The following RIC1 variants were observed in gnomAD, a reference collection of about 807,000 sequenced individuals.
RIC1 encodes guanine nucleotide exchange factor subunit RIC1.
Under a neutral mutation model 169.0 loss-of-function variants are expected in RIC1, and 88 were observed. The ratio of observed to expected loss-of-function variants is 0.52; its 90% CI spans 0.44 to 0.62. The LOEUF (loss-of-function observed/expected upper bound fraction) is 0.62. RIC1 is among the 20% of genes least tolerant of loss of function. The probability of loss-of-function intolerance (pLI) is 0.00; values close to 1 mark genes in which losing one functional copy is unlikely to be tolerated. For missense variants in RIC1, 1,877 were observed against 1,725.5 expected, an observed-to-expected ratio of 1.09 and a Z score of -1.56; for synonymous variants, 790 against 601.5, an observed-to-expected ratio of 1.31 and a Z score of -4.59.
intron 1 of RIC1, among the ~76,000 whole-genome samples, chr9:5,634,523 G>A (rs1375068418): frequency 6.6e-6 from 1 of 152,066 alleles, no homozygotes; most frequent in Non-Finnish European, 1.5e-5. Flanking sequence ...TAAAACATCT[G>A]TTCAGATCTC....
chr9:5,699,402 C>T (rs933957755), intron 3 of RIC1, among the ~76,000 whole-genome samples: 1 of 152,024 alleles, frequency 6.6e-6, no homozygotes, highest in African/African-American at 2.4e-5. Flanking sequence ...TGGGATGGGC[C>T]GTGGCCACCT....
rs12686794 is a variant in RIC1 at position 5,656,610 on chromosome 9, G to C, written c.172G>C (p.Glu58Gln). The change falls in exon 2 of 26, where the codon GAG (glutamate) becomes CAG (glutamine). Residue 58 changes from glutamate to glutamine, a missense_variant. Glu to Gln is a conservative substitution (Grantham distance 29). Around this residue, in one of 3 missense-constraint regions of RIC1, gnomAD observed 1,104 missense variants for 992.0 expected, o/e 1.11. Coordinates refer to ENST00000414202, the MANE Select transcript of RIC1 (RefSeq NM_020829.4). ...RPSVLIVTYK[E>Q]PAKSSTQFGS... is the part of the protein sequence containing the mutation. The stretch of plus-strand genomic sequence containing the variant: ...TAGTGTGTTAATTGTAACCTACAAG[G>C]AGCCTGCAAAATCATCTACTCAGTT... 7.6e-3 allele frequency: 12,197 copies of C among 1,605,690 alleles called. 195 individuals are homozygous for C. The East Asian group carries it at 0.078, about 10-fold the overall frequency.
intron 7 of RIC1, among the ~76,000 whole-genome samples, chr9:5,736,944 A>T (rs1824748868): frequency 6.6e-6 from 1 of 151,752 alleles, no homozygotes; most frequent in Non-Finnish European, 1.5e-5. Flanking sequence ...GGAATGGATC[A>T]AAGCTGCTGT....
chr9:5,742,607 T>A (rs1825145110), intron 8 of RIC1, among the ~76,000 whole-genome samples: 2 of 152,156 alleles, frequency 1.3e-5, no homozygotes, highest in Non-Finnish European at 2.9e-5. Context: ...AGTTATAAGT[T>A]AATCAAGCTA....
intron 3 of RIC1, among the ~76,000 whole-genome samples, chr9:5,691,021 C>G (rs1821563128): frequency 6.6e-6 from 1 of 151,804 alleles, no homozygotes; most frequent in East Asian, 1.9e-4. Flanking sequence ...AGAATTATTA[C>G]TGCTCGCAGA....
In RIC1 at chr9:5,629,533, G is replaced by T. The variant is rs572354765; in HGVS notation, c.144+80G>T. On this transcript the variant is annotated intron_variant, in intron 1 of 25. Coordinates refer to ENST00000414202, the MANE Select transcript of RIC1 (RefSeq NM_020829.4). Reference sequence around the variant, plus strand: ...GTCCCACCCCCAACTTCCACCCAGAGCCTAGGACTCCTGCCCCTTCGTGCC... The same window carrying T: ...GTCCCACCCCCAACTTCCACCCAGATCCTAGGACTCCTGCCCCTTCGTGCC... 29 of 1,416,240 alleles carry T rather than the reference G, an allele frequency of 2.0e-5. No individual in the cohort carries two copies. In the Admixed American group the frequency reaches 5.2e-4, roughly 25 times the overall value. The allele number at this position is 1,416,240 out of a possible 1,614,324, so 87.7% of individuals were successfully genotyped here.
Position 5,729,069 on chromosome 9 carries a change from C to T in RIC1, c.721-3319C>T, listed in dbSNP as rs74402347. Among the ~76,000 whole-genome samples, 1,432 of 152,208 alleles carry T rather than the reference C, an allele frequency of 9.4e-3. 32 individuals carry two copies. Among genetic ancestry groups the T allele is most frequent in the African/African-American group, 0.033 (1,372 of 41,518 alleles). On this transcript the variant is annotated intron_variant, in intron 6 of 25. Coordinates refer to ENST00000414202, the MANE Select transcript of RIC1 (RefSeq NM_020829.4). Reference sequence around the variant, plus strand: ...CTCCAGTGTTCCTTGGAAAAGAGTCCTGCAGTCCTTTCTAGAGGATATATA... The same window carrying T: ...CTCCAGTGTTCCTTGGAAAAGAGTCTTGCAGTCCTTTCTAGAGGATATATA...
downstream of RIC1, among the ~76,000 whole-genome samples, chr9:5,777,059 T>C (rs1827629385): frequency 6.6e-6 from 1 of 152,140 alleles, no homozygotes; most frequent in South Asian, 2.1e-4. Flanking sequence ...GCCATCCAAG[T>C]TGTATATGAA....
chr9:5,693,494 G>A (rs1458464921), intron 3 of RIC1, among the ~76,000 whole-genome samples: 1 of 152,026 alleles, frequency 6.6e-6, no homozygotes, highest in Non-Finnish European at 1.5e-5. Flanking sequence ...TTATTCTTTG[G>A]TGAATGAATT....
chr9:5,752,832 G>T (rs138406576), intron 12 of RIC1, among the ~76,000 whole-genome samples: 275 of 152,250 alleles, frequency 1.8e-3, no homozygotes, highest in African/African-American at 6.3e-3. Context: ...TATTAGATTA[G>T]GTTGTTTTGG....
chr9:5,746,529 A>G (rs953273193), intron 11 of RIC1, among the ~76,000 whole-genome samples: 2 of 152,104 alleles, frequency 1.3e-5, no homozygotes, highest in Admixed American at 1.3e-4. Context: ...TAAATATGCC[A>G]TTGTGCATCA....
rs1231921630 is a variant in RIC1, at chr9:5,671,274, A to AT, written c.252+14597dup. 1.9e-3 allele frequency among the ~76,000 whole-genome samples: 265 copies of AT among 136,128 alleles called. 2 individuals carry two copies. The highest frequency in any genetic ancestry group is 0.017 in the East Asian group (83 of 4,948). The allele number at this position is 136,128 out of a possible 152,430, so 89.3% of individuals were successfully genotyped here. A position where few individuals can be genotyped will look rare whatever the true frequency, so the allele number is the denominator to read the frequency against. ...TATTTATTTTATTATTATTATTATT[A>AT]TTTTTTTTTTTTTGAGACGGCATCT... On this transcript the variant is annotated intron_variant, in intron 2 of 25. Coordinates refer to ENST00000414202, the MANE Select transcript of RIC1 (RefSeq NM_020829.4).
In RIC1 at chr9:5,753,181, G is replaced by A; in HGVS notation, c.1453-19G>A. 1 of 1,598,368 alleles carries A rather than the reference G, an allele frequency of 6.3e-7. No individual in the cohort carries two copies. The highest frequency in any genetic ancestry group is 8.6e-7 in the Non-Finnish European group (1 of 1,165,772). ...TATATTTCATAAGTTTTACCAATCT[G>A]ATGTGTTATTTTCTATAGATTTCCA... On this transcript the variant is annotated intron_variant, in intron 12 of 25. Transcript: ENST00000414202.
chr9:5,653,538 A>G (rs1586885352), intron 1 of RIC1, among the ~76,000 whole-genome samples: 1 of 152,250 alleles, frequency 6.6e-6, no homozygotes, highest in African/African-American at 2.4e-5. Context: ...TTGTGACAGT[A>G]TTGAGTCTTT....
intron 1 of RIC1, among the ~76,000 whole-genome samples, chr9:5,652,918 T>G (rs949360958): frequency 3.3e-5 from 5 of 152,232 alleles, no homozygotes; most frequent in African/African-American, 1.2e-4. Flanking sequence ...AGAATAGATG[T>G]TGAGTTTTGT....
intron 6 of RIC1, among the ~76,000 whole-genome samples, chr9:5,726,198 G>C (rs1368604010): frequency 6.6e-6 from 1 of 152,118 alleles, no homozygotes; most frequent in Non-Finnish European, 1.5e-5. Flanking sequence ...AAGTCTCTTT[G>C]TAGGTCTCTA....
At position 5,747,461 on chromosome 9, in the gene RIC1, G is replaced by A; in HGVS notation, c.1408G>A (p.Gly470Arg). The A allele has an allele frequency of 6.2e-7, 1 of 1,614,034 alleles. No individual in the cohort carries two copies. Among genetic ancestry groups the A allele is most frequent in the Non-Finnish European group, 8.5e-7 (1 of 1,179,932 alleles). Reference sequence around the variant, plus strand: ...TGCAGATGGAGGTTTAGAGTCTCAGGGATTAAGCACTTTACTTGGACATCG... The same window carrying A: ...TGCAGATGGAGGTTTAGAGTCTCAGAGATTAAGCACTTTACTTGGACATCG... ...PFADGGLESQGLSTLLGHRHW... is the reference protein window; with the variant it reads ...PFADGGLESQRLSTLLGHRHW... Residue 470 changes from glycine to arginine, a missense_variant, in exon 12 of 26, where the codon GGA becomes AGA. Coordinates refer to ENST00000414202, the MANE Select transcript of RIC1 (RefSeq NM_020829.4).
chr9:5,764,302 A>C (rs1169154484), intron 19 of RIC1, among the ~76,000 whole-genome samples: 5 of 152,184 alleles, frequency 3.3e-5, no homozygotes, highest in African/African-American at 4.8e-5. Context: ...TGGGTTACTG[A>C]GGGGACACTT....
At chr9:5,710,366 T>C (rs768941887) in intron 3 of RIC1, among the ~76,000 whole-genome samples, 24 of 152,196 alleles carry the variant, frequency 1.6e-4, no homozygotes, top group Admixed American at 3.9e-4. Context: ...ATAGTGCCTC[T>C]TTACCCTGCT....
Sources: allele counts gnomAD v4.1 joint callset (sites outside exome capture counted in the v4.1 genomes callset), GRCh38; gene constraint gnomAD v4.1.1; regional missense constraint gnomAD v4.1.1; transcripts MANE v1.5; gene names NCBI Gene and HGNC (gene_info 2026-07-23, HGNC 2026-07-21).